The following INSR variants were observed in gnomAD, a reference collection of about 807,000 sequenced individuals.
INSR encodes IR.
INSR carries 67 observed loss-of-function variants against 142.6 expected under a neutral mutation model. That is an observed-to-expected ratio of 0.47 (90% CI 0.39 to 0.58). The LOEUF (loss-of-function observed/expected upper bound fraction) is 0.58. Ranked by LOEUF, INSR falls within the 20% of genes least tolerant of loss-of-function variation. INSR has a pLI of 0.00. For missense variants in INSR, 1,248 were observed against 1,833.2 expected (o/e 0.68, Z 5.83); for synonymous variants, 756 against 743.1 (o/e 1.02, Z -0.28).
Position 7,135,345 on chromosome 19 carries a change from CGCTCTTGTCACCCAG to C in INSR, c.2683-3043_2683-3029del, listed in dbSNP as rs371665564. Among the ~76,000 whole-genome samples the C allele has an allele frequency of 2.9e-3, 251 of 85,100 alleles. 2 individuals are homozygous for C. The East Asian group carries it at 0.044, about 15-fold the overall frequency. The allele number at this position is 85,100 out of a possible 152,430, so 55.8% of individuals were successfully genotyped here. On this transcript the variant is annotated intron_variant, in intron 13 of 21. Transcript: ENST00000302850. ...TTTTTTTTTTTTGGAGACGGAGTTT[CGCTCTTGTCACCCAG>C]GCTGGAGTGCAGTGGCATGATCTTG...
At chr19:7,172,250 A>C in intron 5 of INSR, 40 bp downstream of exon 5, 3 of 1,610,808 alleles carry the variant, frequency 1.9e-6, no homozygotes, top group Non-Finnish European at 2.5e-6. Flanking sequence ...CGAACTTCCT[A>C]GTTAGCACTC....
In INSR at chr19:7,163,948, A is replaced by AAAAAAAAAAAAAAAT. The variant is rs1411048837; in HGVS notation, c.1862-750_1862-749insATTTTTTTTTTTTTT. On this transcript the variant is annotated intron_variant, in intron 8 of 21. Transcript: ENST00000302850. ...ACTAAAAAAAAAAAAAAAAAAAAAA[A>AAAAAAAAAAAAAAAT]ATTAGCTGGACATGGTGGTGGGCGC... Among the ~76,000 whole-genome samples the AAAAAAAAAAAAAAAT allele has an allele frequency of 1.8e-3, 240 of 135,908 alleles. 1 individual carries two copies. Among genetic ancestry groups the AAAAAAAAAAAAAAAT allele is most frequent in the African/African-American group, 3.3e-3 (106 of 31,644 alleles). 89.2% of individuals were successfully genotyped at this position (135,908 alleles called of 152,430 possible).
At chr19:7,232,282 G>A (rs113938295) in intron 2 of INSR, among the ~76,000 whole-genome samples, 12 of 151,952 alleles carry the variant, frequency 7.9e-5, no homozygotes, top group Non-Finnish European at 1.6e-4. Context: ...CCTGATCTTG[G>A]CTCACTGCAA....
rs183509398 is a variant in INSR, at chr19:7,233,976, G to A, written c.652+33369C>T. Among the ~76,000 whole-genome samples, 299 of 148,888 alleles carry A rather than the reference G, an allele frequency of 2.0e-3. 1 individual carries two copies. The highest frequency in any genetic ancestry group is 3.6e-3 in the Non-Finnish European group (245 of 67,138). The stretch of plus-strand genomic sequence containing the variant: ...TGGAGTGGTGCAGTGGCGCAATCTC[G>A]GCTCACTGCAACCTCCACCTCCCAG... On this transcript the variant is annotated intron_variant, in intron 2 of 21. Transcript: ENST00000302850.
In INSR at chr19:7,207,748, C is replaced by T. The variant is rs185098279; in HGVS notation, c.653-23111G>A. 2.8e-3 allele frequency among the ~76,000 whole-genome samples: 428 copies of T among 152,034 alleles called. 2 individuals are homozygous for T. The highest frequency in any genetic ancestry group is 4.9e-3 in the Non-Finnish European group (335 of 68,000). On this transcript the variant is annotated intron_variant, in intron 2 of 21. Transcript: ENST00000302850. ...GACAAGCCTGGGCAATATAGCAAGA[C>T]CCATCTCTACAAACAAGTTTAAAAA...
intron 2 of INSR, among the ~76,000 whole-genome samples, chr19:7,201,497 C>T (rs1260895524): frequency 2.0e-5 from 3 of 150,598 alleles, no homozygotes; most frequent in African/African-American, 7.3e-5. Context: ...TGGTGGTGGG[C>T]GCCTGTAATC....
intron 2 of INSR, among the ~76,000 whole-genome samples, chr19:7,229,125 G>A (rs1439582448): frequency 1.3e-5 from 2 of 151,490 alleles, no homozygotes; most frequent in African/African-American, 4.9e-5. Flanking sequence ...ATGGGTGAGT[G>A]AATGGATGAA....
chr19:7,188,964 C>T (rs966397226), intron 2 of INSR, among the ~76,000 whole-genome samples: 7 of 151,038 alleles, frequency 4.6e-5, no homozygotes, highest in Non-Finnish European at 1.0e-4. Flanking sequence ...AACAGGATGA[C>T]GTCAGTAACA....
Position 7,120,810 on chromosome 19 carries a change from C to A in INSR, c.3530-61G>T. The stretch of plus-strand genomic sequence containing the variant: ...CAGCCTTGGTCCTAGCATCTGCCAC[C>A]TTGACTGCCCCACCTCTCACAGAGC... On this transcript the variant is annotated intron_variant, in intron 19 of 21. Transcript: ENST00000302850. The A allele has an allele frequency of 3.1e-6, 5 of 1,597,912 alleles. No individual in the cohort carries two copies. The South Asian group carries it at 4.4e-5, about 14-fold the overall frequency.
Position 7,119,308 on chromosome 19 carries a change from C to A in INSR, c.3794+141G>T. The stretch of plus-strand genomic sequence containing the variant: ...AGCATGCATGTAAAGACAAGCTATG[C>A]AAACACAAACACACCTGTAACATAC... On this transcript the variant is annotated intron_variant, in intron 21 of 21. Coordinates refer to ENST00000302850, the MANE Select transcript of INSR (RefSeq NM_000208.4). The surrounding 1 kb of genome is among the most constrained non-coding windows in gnomAD (Gnocchi z 5.2). The A allele has an allele frequency of 1.0e-6, 1 of 971,582 alleles. No individual in the cohort carries two copies. 60.2% of individuals were successfully genotyped at this position (971,582 alleles called of 1,614,324 possible).
intron 2 of INSR, among the ~76,000 whole-genome samples, chr19:7,235,971 C>T (rs1391961295): frequency 1.5e-5 from 2 of 129,878 alleles, no homozygotes; most frequent in African/African-American, 5.9e-5. Flanking sequence ...CTGGCCTTTC[C>T]TTTTTTTTTT....
intron 8 of INSR, among the ~76,000 whole-genome samples, chr19:7,165,004 G>A (rs925304692): frequency 6.6e-6 from 1 of 152,076 alleles, no homozygotes; most frequent in African/African-American, 2.4e-5. Context: ...TGGCACGCCT[G>A]TAGTTGCAGC....
intron 2 of INSR, among the ~76,000 whole-genome samples, chr19:7,200,319 G>A (rs1974917729): frequency 6.6e-6 from 1 of 152,174 alleles, no homozygotes; most frequent in African/African-American, 2.4e-5. Context: ...CCTGCTGGAT[G>A]ACGCCCAACT....
chr19:7,259,998 A>G (rs999832088), intron 2 of INSR, among the ~76,000 whole-genome samples: 6 of 152,234 alleles, frequency 3.9e-5, no homozygotes, highest in Admixed American at 3.9e-4. Flanking sequence ...ATTAAAAACT[A>G]AATAAAAATG....
intron 13 of INSR, among the ~76,000 whole-genome samples, chr19:7,138,591 C>G (rs1485630122): frequency 1.3e-5 from 2 of 152,006 alleles, no homozygotes; most frequent in Non-Finnish European, 2.9e-5. Flanking sequence ...TGCCCAGGCT[C>G]AAACTCCTGG....
At chr19:7,117,788 G>T (rs1972373103) in intron 21 of INSR, among the ~76,000 whole-genome samples, 1 of 151,632 alleles carries the variant, frequency 6.6e-6, no homozygotes, top group Non-Finnish European at 1.5e-5. Context: ...TGTATTTTTT[G>T]CAGAGACAGG....
At chr19:7,197,321 A>AGAGTGAGTGAGT (rs59460120) in intron 2 of INSR, among the ~76,000 whole-genome samples, 12 of 151,324 alleles carry the variant, frequency 7.9e-5, no homozygotes, top group Admixed American at 5.9e-4. Context: ...CTTCGGAGAG[A>AGAGTGAGTGAGT]GAGTGAGTGA....
intron 2 of INSR, among the ~76,000 whole-genome samples, chr19:7,232,499 G>A (rs1009207390): frequency 2.6e-5 from 4 of 152,168 alleles, no homozygotes; most frequent in Non-Finnish European, 5.9e-5. Context: ...CCGGCCATGT[G>A]CATTTTATTG....
chr19:7,144,351 T>G (rs1422707491), intron 11 of INSR, among the ~76,000 whole-genome samples: 1 of 152,176 alleles, frequency 6.6e-6, no homozygotes, highest in Non-Finnish European at 1.5e-5. Context: ...GATGAATGAC[T>G]GTAAAATATT....
Sources: gnomAD v4.1 joint callset for allele counts (sites outside exome capture counted in the v4.1 genomes callset) on GRCh38, gnomAD v4.1.1 for gene constraint, Gnocchi (gnomAD v3.1) non-coding constraint, MANE v1.5 for transcripts, NCBI Gene and HGNC (gene_info 2026-07-23, HGNC 2026-07-21) for gene names.